The following TULP4 variants were observed in gnomAD, a reference collection of about 807,000 sequenced individuals.
TULP4 encodes TUB like protein 4.
A neutral mutation model predicts 129.0 loss-of-function variants in TULP4; 16 were observed. The observed-to-expected ratio is 0.12, with a 90% CI of 0.08 to 0.19. TULP4 has a LOEUF of 0.19. Among genes scored for constraint, TULP4 ranks in the 10% least tolerant of loss-of-function variants. TULP4 has a pLI of 1.00. For synonymous variants in TULP4, 998 were observed against 854.0 expected, an observed-to-expected ratio of 1.17 and a Z score of -2.94; for missense variants, 1,842 against 2,059.1, an observed-to-expected ratio of 0.89 and a Z score of 2.04.
intron 3 of TULP4, among the ~76,000 whole-genome samples, chr6:158,445,821 A>G (rs1471777815): frequency 3.3e-5 from 5 of 152,118 alleles, no homozygotes; most frequent in Admixed American, 1.3e-4. Flanking sequence ...TCTTGGGGAG[A>G]TGGCAGGAAT....
At chr6:158,430,406 A>G (rs1056021906) in intron 3 of TULP4, among the ~76,000 whole-genome samples, 10 of 152,334 alleles carry the variant, frequency 6.6e-5, no homozygotes, top group African/African-American at 2.4e-4. Context: ...TTTGACTTTC[A>G]TGAGAAAATA....
At chr6:158,294,793 G>A (rs780661975) in intron 1 of TULP4, among the ~76,000 whole-genome samples, 23 of 151,974 alleles carry the variant, frequency 1.5e-4, no homozygotes, top group South Asian at 6.2e-4. Flanking sequence ...GCACAGTGGC[G>A]TGATCTCAGC....
chr6:158,433,435 C>G (rs1393471240), intron 3 of TULP4, among the ~76,000 whole-genome samples: 1 of 152,224 alleles, frequency 6.6e-6, no homozygotes, highest in Non-Finnish European at 1.5e-5. Flanking sequence ...ACAAAAGTTG[C>G]TAGGCGCAGT....
intron 10 of TULP4, among the ~76,000 whole-genome samples, chr6:158,494,251 C>T (rs1376022937): frequency 6.6e-6 from 1 of 152,200 alleles, no homozygotes; most frequent in African/African-American, 2.4e-5. Context: ...CAGATCATTA[C>T]AAGCTTTATC....
intron 1 of TULP4, among the ~76,000 whole-genome samples, chr6:158,293,179 ATAAAG>A (rs1430041632): frequency 1.4e-4 from 21 of 152,250 alleles, no homozygotes; most frequent in Non-Finnish European, 8.8e-5. Flanking sequence ...AATCAGCCAT[ATAAAG>A]TAAATAGGGA....
At chr6:158,471,829 C>T (rs1779689359) in intron 6 of TULP4, among the ~76,000 whole-genome samples, 1 of 152,188 alleles carries the variant, frequency 6.6e-6, no homozygotes, top group Non-Finnish European at 1.5e-5. Context: ...CTGGTGTCAA[C>T]ATAGGCTTTC....
At chr6:158,405,114 G>T (rs1262489260) in intron 1 of TULP4, among the ~76,000 whole-genome samples, 1 of 152,134 alleles carries the variant, frequency 6.6e-6, no homozygotes, top group Admixed American at 6.6e-5. Flanking sequence ...GTAAAATAAT[G>T]TATGTAAAAA....
At chr6:158,483,281 CAG>C (rs1396767128) in intron 8 of TULP4, among the ~76,000 whole-genome samples, 3 of 152,168 alleles carry the variant, frequency 2.0e-5, no homozygotes, top group Non-Finnish European at 1.5e-5. Flanking sequence ...TAAACTATTT[CAG>C]AGGTGGAAAA....
chr6:158,350,006 T>C (rs1171303248), intron 1 of TULP4, among the ~76,000 whole-genome samples: 12 of 99,186 alleles, frequency 1.2e-4, no homozygotes, highest in Non-Finnish European at 1.6e-4. Flanking sequence ...CGCTCCTCAC[T>C]TCCCAGGCGG....
chr6:158,499,864 T>G (rs1403324055), intron 12 of TULP4, among the ~76,000 whole-genome samples: 1 of 152,126 alleles, frequency 6.6e-6, no homozygotes, highest in Non-Finnish European at 1.5e-5. Context: ...AAAAAATGAT[T>G]TATACTGCAC....
chr6:158,344,926 A>G (rs927797903), intron 1 of TULP4, among the ~76,000 whole-genome samples: 5 of 152,248 alleles, frequency 3.3e-5, no homozygotes, highest in African/African-American at 1.2e-4. Context: ...GAAGGAAATT[A>G]AAAGTGCTAC....
intron 1 of TULP4, among the ~76,000 whole-genome samples, chr6:158,368,007 C>T (rs1776968090): frequency 6.9e-6 from 1 of 144,280 alleles, no homozygotes; most frequent in Non-Finnish European, 1.5e-5. Flanking sequence ...GTATGAGGAT[C>T]ACCCAAGCCC....
intron 1 of TULP4, among the ~76,000 whole-genome samples, chr6:158,248,244 C>G (rs575347431): frequency 6.6e-6 from 1 of 151,828 alleles, no homozygotes; most frequent in African/African-American, 2.4e-5. Context: ...GAGTTGGAGA[C>G]CAGCCTGGAC....
chr6:158,442,251 T>C (rs1778913561), intron 3 of TULP4, among the ~76,000 whole-genome samples: 1 of 152,168 alleles, frequency 6.6e-6, no homozygotes. Flanking sequence ...AGTTTATCAG[T>C]AGCCATGGGA....
At chr6:158,347,727 G>A (rs1384732509) in intron 1 of TULP4, among the ~76,000 whole-genome samples, 2 of 152,224 alleles carry the variant, frequency 1.3e-5, no homozygotes, top group Non-Finnish European at 2.9e-5. Context: ...CCTGGGTGGT[G>A]CCTTCTTGAC....
chr6:158,290,626 A>G (rs1268754842), intron 1 of TULP4, among the ~76,000 whole-genome samples: 5 of 151,942 alleles, frequency 3.3e-5, no homozygotes, highest in Admixed American at 6.6e-5. Context: ...TAGAAGTTTT[A>G]TACTTTATTT....
intron 1 of TULP4, among the ~76,000 whole-genome samples, chr6:158,401,418 C>A (rs561109388): frequency 2.0e-5 from 3 of 152,238 alleles, no homozygotes; most frequent in African/African-American, 7.2e-5. Context: ...CTAACAAGAA[C>A]TGTATAAAAC....
At chr6:158,274,707 G>T (rs1207679874) in intron 1 of TULP4, among the ~76,000 whole-genome samples, 2 of 152,192 alleles carry the variant, frequency 1.3e-5, no homozygotes, top group Non-Finnish European at 2.9e-5. Context: ...AACCCAGGAG[G>T]CGGAGCTTGC....
chr6:158,237,312 C>G, intron 1 of TULP4: 3 of 1,578,538 alleles, frequency 1.9e-6, no homozygotes, highest in Non-Finnish European at 2.6e-6. Context: ...AGTTTAAAAA[C>G]AGCCTTCAAC....
Sources: allele counts gnomAD v4.1 joint callset (sites outside exome capture counted in the v4.1 genomes callset), GRCh38; gene constraint gnomAD v4.1.1; transcripts MANE v1.5; gene names NCBI Gene and HGNC (gene_info 2026-07-23, HGNC 2026-07-21).